EHBP1: variants seen among roughly 807,000 people sequenced by gnomAD.
EHBP1 encodes EH domain-binding protein 1.
A neutral mutation model predicts 144.0 loss-of-function variants in EHBP1; 55 were observed. The ratio of observed to expected loss-of-function variants is 0.38; its 90% confidence interval spans 0.31 to 0.48. The LOEUF is 0.48. Ranked by LOEUF, EHBP1 falls within the 20% of genes least tolerant of loss-of-function variation. The pLI, the probability that EHBP1 is intolerant of heterozygous loss-of-function variation, is 0.98. For missense variants in EHBP1, 1,200 were observed against 1,364.2 expected (o/e 0.88, Z 1.90); for synonymous variants, 469 against 472.7 (o/e 0.99, Z 0.10).
intron 5 of EHBP1, chr2:62,771,660 A>G (rs192016883): frequency 1.2e-5 from 2 of 163,368 alleles, no homozygotes; most frequent in Non-Finnish European, 2.6e-5. Flanking sequence ...ATATATAAAA[A>G]ATATATATAT....
At chr2:62,825,712 T>G (rs1214852657) in intron 5 of EHBP1, among the ~76,000 whole-genome samples, 1 of 152,072 alleles carries the variant, frequency 6.6e-6, no homozygotes, top group Non-Finnish European at 1.5e-5. Flanking sequence ...TTAAATATTA[T>G]CAAAGCAAAG....
In EHBP1 at chr2:62,839,741, G is replaced by A. The variant is rs551105422; in HGVS notation, c.634+8583G>A. On this transcript the variant is annotated intron_variant, in intron 7 of 22. Coordinates refer to ENST00000431489, the MANE Select transcript of EHBP1 (RefSeq NM_001142616.3). ...CATGAGTCAACTCCCATTCACAATT[G>A]CTTCAAAGAGAATAAAATACCTAGG... 2.6e-5 allele frequency among the ~76,000 whole-genome samples: 4 copies of A among 152,212 alleles called. No homozygotes were observed. In the East Asian group the frequency reaches 7.7e-4, roughly 29 times the overall value.
intron 19 of EHBP1, among the ~76,000 whole-genome samples, chr2:63,027,859 T>G (rs773292999): frequency 2.0e-5 from 3 of 152,076 alleles, no homozygotes; most frequent in Non-Finnish European, 4.4e-5. Context: ...GATACAAAAT[T>G]TCAGTTCGAT....
chr2:62,967,409 G>A (rs1241212208), intron 14 of EHBP1, among the ~76,000 whole-genome samples: 1 of 152,182 alleles, frequency 6.6e-6, no homozygotes, highest in East Asian at 1.9e-4. Flanking sequence ...AACAGCAAAA[G>A]ATTTCCTAAG....
At chr2:62,923,791 C>T (rs1305424593) in intron 10 of EHBP1, among the ~76,000 whole-genome samples, 1 of 152,208 alleles carries the variant, frequency 6.6e-6, no homozygotes, top group Non-Finnish European at 1.5e-5. Flanking sequence ...ATGCCCCAGA[C>T]CAACCAAATA....
chr2:62,959,103 C>A (rs551712058), intron 14 of EHBP1, among the ~76,000 whole-genome samples: 28 of 152,180 alleles, frequency 1.8e-4, no homozygotes, highest in Non-Finnish European at 3.2e-4. Flanking sequence ...ATTTTAGATG[C>A]TTCATATAAG....
intron 12 of EHBP1, among the ~76,000 whole-genome samples, chr2:62,945,924 A>C (rs2057038935): frequency 6.6e-6 from 1 of 152,226 alleles, no homozygotes; most frequent in Admixed American, 6.5e-5. Flanking sequence ...GCATGTTACA[A>C]AGTAAACTGT....
chr2:62,957,772 A>G (rs1370320312), intron 14 of EHBP1, among the ~76,000 whole-genome samples: 1 of 148,686 alleles, frequency 6.7e-6, no homozygotes, highest in Non-Finnish European at 1.5e-5. Flanking sequence ...CAGCTTCCCA[A>G]GTAGCTGGGA....
At chr2:62,775,303 C>T (rs1207854830) in intron 5 of EHBP1, among the ~76,000 whole-genome samples, 1 of 152,140 alleles carries the variant, frequency 6.6e-6, no homozygotes, top group African/African-American at 2.4e-5. Context: ...CATTATGTAG[C>T]AATAACATGT....
chr2:62,756,845 A>AG (rs1318763105), intron 3 of EHBP1, among the ~76,000 whole-genome samples: 8 of 151,980 alleles, frequency 5.3e-5, no homozygotes, highest in African/African-American at 1.9e-4. Context: ...GGAAATAAAA[A>AG]TAAGTTCCAG....
At chr2:62,813,838 T>G (rs2045243424) in intron 5 of EHBP1, among the ~76,000 whole-genome samples, 2 of 152,336 alleles carry the variant, frequency 1.3e-5, no homozygotes, top group South Asian at 2.1e-4. Flanking sequence ...ATGTCTATAC[T>G]GCATCTGTCC....
At chr2:63,000,805 C>T (rs1471340699) in intron 19 of EHBP1, among the ~76,000 whole-genome samples, 1 of 151,982 alleles carries the variant, frequency 6.6e-6, no homozygotes, top group Non-Finnish European at 1.5e-5. Context: ...ATTTTTTTCT[C>T]CTCAGCTCTT....
At chr2:63,027,373 G>C (rs1303377488) in intron 19 of EHBP1, among the ~76,000 whole-genome samples, 1 of 152,198 alleles carries the variant, frequency 6.6e-6, no homozygotes, top group African/African-American at 2.4e-5. Context: ...AAGATAATGT[G>C]TACTCAAGTG....
chr2:62,772,492 A>G (rs1488776078), intron 5 of EHBP1, among the ~76,000 whole-genome samples: 1 of 152,246 alleles, frequency 6.6e-6, no homozygotes, highest in Non-Finnish European at 1.5e-5. Flanking sequence ...AATGGAAAAT[A>G]TGTTAACATT....
Position 62,773,850 on chromosome 2 carries a change from CAAAAAAAAAAAAAAAAAAA to C in EHBP1, c.312+2475_312+2493del, listed in dbSNP as rs570715468. On this transcript the variant is annotated intron_variant, in intron 5 of 22. Transcript: ENST00000431489. ...TAGGTGATACAGCAAGACTCCATCTCAAAAAAAAAAAAAAAAAAAAAAAAAAAAAAAAAAAGAGAGAGAG... is the reference window on the plus strand; with the variant it reads ...TAGGTGATACAGCAAGACTCCATCTCAAAAAAAAAAAAAAAAGAGAGAGAG... 1.1e-3 allele frequency among the ~76,000 whole-genome samples: 44 copies of C among 41,542 alleles called. 1 individual carries two copies. The highest frequency in any genetic ancestry group is 3.4e-3 in the African/African-American group (36 of 10,542). The allele number at this position is 41,542 out of a possible 152,430, so 27.3% of individuals were successfully genotyped here.
intron 2 of EHBP1, among the ~76,000 whole-genome samples, chr2:62,727,961 G>A (rs1010719133): frequency 3.3e-5 from 5 of 152,184 alleles, no homozygotes; most frequent in African/African-American, 1.2e-4. Context: ...CAAAGTGCAC[G>A]ATTGACATCA....
chr2:62,898,423 T>A (rs1049324043), intron 10 of EHBP1, among the ~76,000 whole-genome samples: 1 of 152,168 alleles, frequency 6.6e-6, no homozygotes, highest in Non-Finnish European at 1.5e-5. Flanking sequence ...CATATCTTGA[T>A]GTATATATTA....
At chr2:62,838,227 C>T (rs1558765117) in intron 7 of EHBP1, among the ~76,000 whole-genome samples, 1 of 152,178 alleles carries the variant, frequency 6.6e-6, no homozygotes, top group Non-Finnish European at 1.5e-5. Context: ...GAACAACCTG[C>T]TCTTGAATGA....
chr2:62,953,638 G>GA (rs879756454), intron 13 of EHBP1, among the ~76,000 whole-genome samples: 19 of 148,628 alleles, frequency 1.3e-4, no homozygotes, highest in Non-Finnish European at 2.2e-4. Flanking sequence ...TAGAATAAGT[G>GA]AAAAAAAAAG....
Sources: allele counts gnomAD v4.1 joint callset (sites outside exome capture counted in the v4.1 genomes callset), GRCh38; gene constraint gnomAD v4.1.1; transcripts MANE v1.5; gene names NCBI Gene and HGNC (gene_info 2026-07-23, HGNC 2026-07-21).